SLC11A2: variants seen among roughly 807,000 people sequenced by gnomAD.
The protein encoded by SLC11A2 is solute carrier family 11 member 2, also known as natural resistance-associated macrophage protein 2.
Under a neutral mutation model 68.0 loss-of-function variants are expected in SLC11A2, and 38 were observed. The observed-to-expected ratio is 0.56, with a 90% confidence interval of 0.43 to 0.73. The LOEUF (loss-of-function observed/expected upper bound fraction) is 0.73, where lower values mean the gene tolerates loss of function less well. SLC11A2 is among the 30% of genes least tolerant of loss of function. The pLI, the probability that SLC11A2 is intolerant of heterozygous loss-of-function variation, is 0.00. For synonymous variants in SLC11A2, 242 were observed against 250.6 expected, an observed-to-expected ratio of 0.97 and a Z score of 0.32; for missense variants, 517 against 690.5, an observed-to-expected ratio of 0.75 and a Z score of 2.82.
At chr12:51,018,952 CT>C (rs997866886) in intron 1 of SLC11A2, among the ~76,000 whole-genome samples, 156 of 151,920 alleles carry the variant, frequency 1.0e-3, no homozygotes, top group Middle Eastern at 3.4e-3. Flanking sequence ...TTCTTTCCTC[CT>C]TTTTTTTCAT....
chr12:50,962,066 ATAAAGT>A, the SLC11A2 span, among the ~76,000 whole-genome samples: 10 of 152,186 alleles, frequency 6.6e-5, no homozygotes, highest in Non-Finnish European at 1.3e-4. Context: ...AGAAGACAAT[ATAAAGT>A]TATAGATGCC....
At chr12:51,006,462 T>C (rs1247105636) in intron 3 of SLC11A2, among the ~76,000 whole-genome samples, 4 of 152,242 alleles carry the variant, frequency 2.6e-5, no homozygotes, top group South Asian at 2.1e-4. Context: ...CTCCAAGATA[T>C]ATTTCTTTGT....
At chr12:50,969,918 C>T in the SLC11A2 span, among the ~76,000 whole-genome samples, 3 of 152,046 alleles carry the variant, frequency 2.0e-5, no homozygotes, top group Non-Finnish European at 4.4e-5. Context: ...CTCATTAAAG[C>T]AGCTCCTCTC....
intron 4 of SLC11A2, 59 bp downstream of exon 4, chr12:51,005,252 A>G (rs962900151): frequency 6.3e-7 from 1 of 1,584,686 alleles, no homozygotes; most frequent in Non-Finnish European, 8.7e-7. Context: ...CAGGGTGGAG[A>G]AAAGGATGTG....
At chr12:51,003,079 T>C (rs1413937614) in intron 5 of SLC11A2, among the ~76,000 whole-genome samples, 2 of 150,148 alleles carry the variant, frequency 1.3e-5, no homozygotes, top group African/African-American at 2.5e-5. Flanking sequence ...CTACTAAAAA[T>C]ACAAAAATTA....
Position 51,000,309 on chromosome 12 carries a change from T to A in SLC11A2, c.536+4A>T, listed in dbSNP as rs570758116. ...TGATGACTTTCTAGAGGAAAACCCC[T>A]CACCTTCCTACAGACAGAAGATTGA... is the stretch of plus-strand genomic sequence containing the variant. On this transcript the variant is annotated splice_donor_region_variant and intron_variant, in intron 6 of 15. Coordinates refer to ENST00000262052, the MANE Select transcript of SLC11A2 (RefSeq NM_000617.3). 1 of 1,601,252 alleles carries A rather than the reference T, an allele frequency of 6.2e-7. No individual in the cohort carries two copies. The highest frequency in any genetic ancestry group is 1.1e-5 in the South Asian group (1 of 90,828).
At position 51,011,494 on chromosome 12, in the gene SLC11A2, G is replaced by C. The variant is rs139905206; in HGVS notation, c.-38-728C>G. 4.2e-3 allele frequency among the ~76,000 whole-genome samples: 639 copies of C among 150,508 alleles called. 6 individuals carry two copies. Among genetic ancestry groups the C allele is most frequent in the African/African-American group, 0.014 (573 of 40,960 alleles). Reference sequence around the variant, plus strand: ...AGGCAAGTATCCATTCTCTGCCTTTGCCTCCAAATTATCCCAAGTGTCTAA... The same window carrying C: ...AGGCAAGTATCCATTCTCTGCCTTTCCCTCCAAATTATCCCAAGTGTCTAA... On this transcript the variant is annotated intron_variant, in intron 1 of 15. Coordinates refer to ENST00000262052, the MANE Select transcript of SLC11A2 (RefSeq NM_000617.3).
At chr12:50,966,520 C>T in the SLC11A2 span, among the ~76,000 whole-genome samples, 3 of 152,144 alleles carry the variant, frequency 2.0e-5, no homozygotes, top group African/African-American at 4.8e-5. Flanking sequence ...ACCTCCACAC[C>T]CTCAGTTGTG....
upstream of SLC11A2, among the ~76,000 whole-genome samples, chr12:51,028,839 C>T (rs1206410335): frequency 6.6e-6 from 1 of 152,132 alleles, no homozygotes; most frequent in East Asian, 1.9e-4. Flanking sequence ...GATCCACGAG[C>T]AGACATCAGA....
intron 5 of SLC11A2, among the ~76,000 whole-genome samples, chr12:51,002,474 A>G (rs1381544173): frequency 2.0e-5 from 3 of 151,708 alleles, no homozygotes; most frequent in African/African-American, 7.3e-5. Flanking sequence ...CCCTGTCTCT[A>G]CTAAAAATAC....
chr12:50,982,573 G>A (rs1453633859), downstream of SLC11A2, among the ~76,000 whole-genome samples: 3 of 152,130 alleles, frequency 2.0e-5, no homozygotes, highest in Non-Finnish European at 4.4e-5. Flanking sequence ...ATTGCAGTGA[G>A]CCGAGATTGC....
chr12:50,979,963 C>T (rs537785151), downstream of SLC11A2: 58 of 454,054 alleles, frequency 1.3e-4, no homozygotes, highest in African/African-American at 8.2e-4. Context: ...CAGTGGCTCA[C>T]GCCTATAATC....
At chr12:50,967,076 T>G in the SLC11A2 span, among the ~76,000 whole-genome samples, 28 of 150,812 alleles carry the variant, frequency 1.9e-4, no homozygotes, top group South Asian at 8.4e-4. Flanking sequence ...ATCACACCAC[T>G]GCACTTCAGC....
chr12:51,003,302 C>T (rs755993844), intron 5 of SLC11A2, among the ~76,000 whole-genome samples: 10 of 151,720 alleles, frequency 6.6e-5, no homozygotes, highest in Admixed American at 1.3e-4. Flanking sequence ...CTTTGGGAGG[C>T]GAAGGCTGGC....
At chr12:51,019,872 T>C (rs967640889) in intron 1 of SLC11A2, among the ~76,000 whole-genome samples, 1 of 152,034 alleles carries the variant, frequency 6.6e-6, no homozygotes, top group Non-Finnish European at 1.5e-5. Context: ...CTTGAACTCC[T>C]GGGGTCAAAG....
intron 1 of SLC11A2, among the ~76,000 whole-genome samples, chr12:51,021,282 A>G (rs902187172): frequency 6.6e-6 from 1 of 152,188 alleles, no homozygotes; most frequent in Non-Finnish European, 1.5e-5. Context: ...CATACTTTGC[A>G]TGCCCTAGTA....
chr12:50,960,917 C>T, the SLC11A2 span: 10 of 1,407,808 alleles, frequency 7.1e-6, no homozygotes, highest in African/African-American at 2.9e-5. Context: ...TGGTCTCACA[C>T]GATGCTCCTG....
chr12:51,025,802 TCA>T, intron 1 of SLC11A2: 1 of 986,514 alleles, frequency 1.0e-6, no homozygotes. Flanking sequence ...TGCAGGCTAT[TCA>T]CACAGAAGGC....
At chr12:51,001,234 A>T (rs557574152) in intron 5 of SLC11A2, among the ~76,000 whole-genome samples, 2 of 151,282 alleles carry the variant, frequency 1.3e-5, no homozygotes, top group South Asian at 4.2e-4. Flanking sequence ...GCACTTTGGG[A>T]TGCCAACGTA....
Sources: allele counts gnomAD v4.1 joint callset (sites outside exome capture counted in the v4.1 genomes callset), GRCh38; gene constraint gnomAD v4.1.1; transcripts MANE v1.5; gene names NCBI Gene and HGNC (gene_info 2026-07-23, HGNC 2026-07-21).